The following DIP2C variants were observed in gnomAD, a reference collection of about 807,000 sequenced individuals.
The protein encoded by DIP2C is disco-interacting protein 2 homolog C.
A neutral mutation model predicts 192.4 loss-of-function variants in DIP2C; 33 were observed. The ratio of observed to expected loss-of-function variants is 0.17; its 90% CI spans 0.13 to 0.23. The LOEUF is 0.23. DIP2C is among the 10% of genes least tolerant of loss of function. DIP2C has a pLI of 1.00. For synonymous variants in DIP2C, 979 were observed against 864.1 expected, an observed-to-expected ratio of 1.13 and a Z score of -2.33; for missense variants, 1,537 against 2,110.1, an observed-to-expected ratio of 0.73 and a Z score of 5.32.
At chr10:287,083 T>C (rs551388048) in intron 33 of DIP2C, among the ~76,000 whole-genome samples, 300 of 152,222 alleles carry the variant, frequency 2.0e-3, no homozygotes, top group Middle Eastern at 0.014. Flanking sequence ...TTTACTGTAA[T>C]AGATGTCAGT....
At chr10:624,016 C>A (rs1854040278) in intron 1 of DIP2C, among the ~76,000 whole-genome samples, 1 of 152,228 alleles carries the variant, frequency 6.6e-6, no homozygotes, top group African/African-American at 2.4e-5. Flanking sequence ...ATGAAGCCAA[C>A]ACAGTTGGGC....
intron 31 of DIP2C, among the ~76,000 whole-genome samples, 170 bp downstream of exon 31, chr10:326,836 A>G (rs1362005064): frequency 6.6e-6 from 1 of 152,066 alleles, no homozygotes; most frequent in African/African-American, 2.4e-5. Flanking sequence ...ACGAACGTAG[A>G]CTGTAGTTTA....
chr10:399,030 AC>A, intron 10 of DIP2C, 78 bp downstream of exon 10: 1 of 1,234,638 alleles, frequency 8.1e-7, no homozygotes, highest in Non-Finnish European at 1.2e-6. Context: ...CAGCGAGGAG[AC>A]CCTCACCCAG....
intron 3 of DIP2C, among the ~76,000 whole-genome samples, chr10:441,532 T>C (rs1030401425): frequency 1.3e-4 from 20 of 152,180 alleles, no homozygotes; most frequent in African/African-American, 2.2e-4. Flanking sequence ...AATTGAATCA[T>C]TGGGGCCCAT....
At chr10:492,813 A>T (rs1219949056) in intron 1 of DIP2C, among the ~76,000 whole-genome samples, 1 of 152,220 alleles carries the variant, frequency 6.6e-6, no homozygotes, top group East Asian at 1.9e-4. Context: ...AAGGGGATTA[A>T]AGGAAACAGC....
intron 1 of DIP2C, among the ~76,000 whole-genome samples, chr10:678,534 C>T (rs1015098687): frequency 1.5e-4 from 22 of 151,674 alleles, no homozygotes; most frequent in African/African-American, 4.4e-4. Context: ...CCGTGCTCCC[C>T]GCGCCCATCT....
intron 31 of DIP2C, among the ~76,000 whole-genome samples, chr10:321,629 C>T (rs1957030276): frequency 8.5e-6 from 1 of 117,916 alleles, no homozygotes; most frequent in African/African-American, 3.5e-5. Context: ...GTCGGGGGTG[C>T]GGGGCTCCGG....
chr10:537,246 T>G lies in DIP2C; in HGVS notation c.86-50716A>C, dbSNP rs371022094. Among the ~76,000 whole-genome samples, 120 of 152,218 alleles carry G rather than the reference T, an allele frequency of 7.9e-4. 1 individual carries two copies. Among genetic ancestry groups the G allele is most frequent in the African/African-American group, 2.8e-3 (116 of 41,520 alleles). Reference sequence around the variant, plus strand: ...AGGCAAGGCCGTATGAAGGAGGCAGTGGGATCTAGAGCCCTGCACAGCTCC... The same window carrying G: ...AGGCAAGGCCGTATGAAGGAGGCAGGGGGATCTAGAGCCCTGCACAGCTCC... On this transcript the variant is annotated intron_variant, in intron 1 of 36. Transcript: ENST00000280886.
At chr10:517,609 T>A (rs778220222) in intron 1 of DIP2C, among the ~76,000 whole-genome samples, 1 of 152,332 alleles carries the variant, frequency 6.6e-6, no homozygotes, top group Non-Finnish European at 1.5e-5. Context: ...GAAGGCACCA[T>A]ATGGACGCCT....
intron 1 of DIP2C, among the ~76,000 whole-genome samples, chr10:594,791 G>T (rs59795392): frequency 6.6e-6 from 1 of 152,134 alleles, no homozygotes; most frequent in African/African-American, 2.4e-5. Flanking sequence ...AAACCAGGGC[G>T]GAATCTCGAC....
chr10:579,416 G>A (rs11253259), intron 1 of DIP2C, among the ~76,000 whole-genome samples: 15,237 of 151,552 alleles, frequency 0.1, 1,154 homozygotes, highest in African/African-American at 0.2. Flanking sequence ...TCCATATAGC[G>A]TATGTACATA....
At chr10:485,960 C>G (rs1423585666) in intron 2 of DIP2C, among the ~76,000 whole-genome samples, 2 of 152,188 alleles carry the variant, frequency 1.3e-5, no homozygotes, top group African/African-American at 4.8e-5. Flanking sequence ...CACGTAGAAA[C>G]GCTGGCGGGA....
At chr10:388,694 C>T (rs1468569136) in intron 13 of DIP2C, among the ~76,000 whole-genome samples, 5 of 152,228 alleles carry the variant, frequency 3.3e-5, no homozygotes, top group Non-Finnish European at 5.9e-5. Context: ...ACGAGACACA[C>T]ACGCTGTTTT....
chr10:381,885 C>CCA (rs1962405765), intron 17 of DIP2C, among the ~76,000 whole-genome samples: 1 of 152,200 alleles, frequency 6.6e-6, no homozygotes, highest in African/African-American at 2.4e-5. Flanking sequence ...CTCTCTCTTG[C>CCA]CACACCTTCC....
At chr10:526,642 A>AT (rs1489611357) in intron 1 of DIP2C, among the ~76,000 whole-genome samples, 1 of 152,140 alleles carries the variant, frequency 6.6e-6, no homozygotes, top group East Asian at 1.9e-4. Context: ...CACGTGAAGG[A>AT]TCTCAAATAC....
chr10:446,275 G>A (rs887200656), intron 3 of DIP2C, among the ~76,000 whole-genome samples: 8 of 151,388 alleles, frequency 5.3e-5, no homozygotes, highest in Non-Finnish European at 1.2e-4. Flanking sequence ...AGAGTCTCAC[G>A]GTCCACTGGG....
At chr10:643,840 A>C (rs113994955) in intron 1 of DIP2C, among the ~76,000 whole-genome samples, 2,540 of 152,322 alleles carry the variant, frequency 0.017, 81 homozygotes, top group African/African-American at 0.058. Context: ...CAAATGTTCC[A>C]CCTGAGGGTG....
At chr10:508,412 G>A (rs1442969147) in intron 1 of DIP2C, among the ~76,000 whole-genome samples, 2 of 152,144 alleles carry the variant, frequency 1.3e-5, no homozygotes, top group African/African-American at 4.8e-5. Flanking sequence ...TCGATTTCCT[G>A]GTAGGCAAAA....
intron 32 of DIP2C, among the ~76,000 whole-genome samples, chr10:309,045 G>T (rs371717316): frequency 1.3e-5 from 2 of 152,224 alleles, no homozygotes; most frequent in African/African-American, 4.8e-5. Flanking sequence ...GCTGCTGACG[G>T]CGATAAGGGA....
Sources: gnomAD v4.1 joint callset for allele counts (sites outside exome capture counted in the v4.1 genomes callset) on GRCh38, gnomAD v4.1.1 for gene constraint, MANE v1.5 for transcripts, NCBI Gene and HGNC (gene_info 2026-07-23, HGNC 2026-07-21) for gene names.